Variants in CADM2 observed in about 807,000 individuals in gnomAD.
CADM2 encodes the protein cell adhesion molecule 2.
In CADM2, 12 loss-of-function variants were observed where a neutral mutation model predicts 49.8. That is an observed-to-expected ratio of 0.24 (90% confidence interval 0.15 to 0.39). The LOEUF is 0.39. Ranked by LOEUF, CADM2 falls within the 10% of genes least tolerant of loss-of-function variation. The pLI, the probability that CADM2 is intolerant of heterozygous loss-of-function variation, is 1.00. For synonymous variants in CADM2, 214 were observed against 175.4 expected, an observed-to-expected ratio of 1.22 and a Z score of -1.74; for missense variants, 378 against 492.3, an observed-to-expected ratio of 0.77 and a Z score of 2.20.
intron 1 of CADM2, among the ~76,000 whole-genome samples, chr3:85,072,086 T>G (rs1053586152): frequency 6.6e-6 from 1 of 151,578 alleles, no homozygotes; most frequent in East Asian, 1.9e-4. Flanking sequence ...TTAATCAAAC[T>G]GGGTAATCTT....
chr3:85,472,547 T>C lies in CADM2; in HGVS notation c.62-253975T>C, dbSNP rs140852356. Reference sequence around the variant, plus strand: ...ATGCTAGAAATACAATATACTTTCGTTGAAATTATAAATCTAAATGTGAAA... The same window carrying C: ...ATGCTAGAAATACAATATACTTTCGCTGAAATTATAAATCTAAATGTGAAA... On this transcript the variant is annotated intron_variant, in intron 1 of 9. Transcript: ENST00000383699. 3.4e-4 allele frequency among the ~76,000 whole-genome samples: 52 copies of C among 152,186 alleles called. No homozygotes were observed. The East Asian group carries it at 8.9e-3, about 26-fold the overall frequency.
intron 7 of CADM2, among the ~76,000 whole-genome samples, chr3:85,949,641 G>A (rs1490314553): frequency 6.6e-6 from 1 of 150,960 alleles, no homozygotes; most frequent in Non-Finnish European, 1.5e-5. Context: ...TTATCTTCAA[G>A]CTTTACTTAT....
intron 2 of CADM2, among the ~76,000 whole-genome samples, chr3:85,744,905 A>G (rs1289821386): frequency 2.0e-5 from 3 of 152,190 alleles, no homozygotes; most frequent in Non-Finnish European, 4.4e-5. Context: ...GAAGAATGGC[A>G]TGCTCTGCCT....
At chr3:85,370,961 A>G (rs1388708388) in intron 1 of CADM2, among the ~76,000 whole-genome samples, 2 of 151,878 alleles carry the variant, frequency 1.3e-5, no homozygotes, top group Non-Finnish European at 2.9e-5. Context: ...TGAAACAAAA[A>G]TTGTCGATAG....
chr3:85,416,600 A>G (rs910338625), intron 1 of CADM2, among the ~76,000 whole-genome samples: 11 of 152,172 alleles, frequency 7.2e-5, no homozygotes, highest in Non-Finnish European at 8.8e-5. Context: ...CAAAGAAGCA[A>G]TGAGAACAAA....
intron 1 of CADM2, among the ~76,000 whole-genome samples, chr3:85,223,929 A>T (rs1257644151): frequency 6.6e-6 from 1 of 152,114 alleles, no homozygotes; most frequent in Non-Finnish European, 1.5e-5. Context: ...AAAGGACATG[A>T]ACTCATCATT....
At chr3:85,831,184 G>A (rs1040704293) in intron 3 of CADM2, among the ~76,000 whole-genome samples, 23 of 151,880 alleles carry the variant, frequency 1.5e-4, no homozygotes, top group Admixed American at 9.9e-4. Context: ...TCTCTTTATG[G>A]TTGTTTATCA....
chr3:85,337,606 A>G (rs1359607575), intron 1 of CADM2, among the ~76,000 whole-genome samples: 1 of 151,394 alleles, frequency 6.6e-6, no homozygotes, highest in Non-Finnish European at 1.5e-5. Flanking sequence ...AAGTAAACTG[A>G]ATCAAGCTCT....
intron 1 of CADM2, among the ~76,000 whole-genome samples, chr3:85,089,486 C>G (rs1038395852): frequency 8.5e-5 from 13 of 152,106 alleles, no homozygotes; most frequent in African/African-American, 2.9e-4. Context: ...CCAAGTTTAG[C>G]AGTTTAGTCC....
intron 8 of CADM2, among the ~76,000 whole-genome samples, chr3:85,988,313 A>C (rs1052899748): frequency 2.0e-5 from 3 of 152,218 alleles, no homozygotes; most frequent in African/African-American, 7.2e-5. Context: ...CTATGGCCAG[A>C]AAATTAAAAG....
intron 1 of CADM2, among the ~76,000 whole-genome samples, chr3:85,435,421 T>C (rs961375408): frequency 5.3e-5 from 8 of 152,154 alleles, no homozygotes; most frequent in African/African-American, 1.7e-4. Context: ...CTATCATCGA[T>C]GGGCATTGGG....
rs984427678 is a variant in CADM2, at chr3:85,265,703, A to G, written c.61+306035A>G. Among the ~76,000 whole-genome samples, 4 of 152,062 alleles carry G rather than the reference A, an allele frequency of 2.6e-5. No homozygotes were observed. In the East Asian group the frequency reaches 7.7e-4, roughly 29 times the overall value. On this transcript the variant is annotated intron_variant, in intron 1 of 9. Transcript: ENST00000383699. ...GGGACACATTCAAACCGTAGCACTC[A>G]TGAATAATATTTATAGATTTTTTTC...
At chr3:85,152,069 G>A (rs2039939428) in intron 1 of CADM2, among the ~76,000 whole-genome samples, 2 of 152,052 alleles carry the variant, frequency 1.3e-5, no homozygotes, top group Admixed American at 1.3e-4. Context: ...CGAACTTCAA[G>A]TGATTTCTGT....
At chr3:85,788,344 T>G (rs1159156595) in intron 2 of CADM2, among the ~76,000 whole-genome samples, 4 of 152,136 alleles carry the variant, frequency 2.6e-5, no homozygotes, top group African/African-American at 9.6e-5. Flanking sequence ...GGATATCACT[T>G]TCTCTTACAC....
intron 1 of CADM2, among the ~76,000 whole-genome samples, chr3:85,666,218 A>T (rs1267023273): frequency 6.6e-6 from 1 of 152,052 alleles, no homozygotes; most frequent in Non-Finnish European, 1.5e-5. Context: ...AGAGCCATAA[A>T]CCACTGTTGA....
At chr3:85,843,576 C>T (rs569582784) in intron 3 of CADM2, among the ~76,000 whole-genome samples, 6 of 151,962 alleles carry the variant, frequency 3.9e-5, no homozygotes, top group South Asian at 2.1e-4. Context: ...TTGTAACCAT[C>T]CCATTATGTT....
At chr3:85,851,118 G>A (rs1229831747) in intron 3 of CADM2, among the ~76,000 whole-genome samples, 1 of 151,928 alleles carries the variant, frequency 6.6e-6, no homozygotes, top group African/African-American at 2.4e-5. Flanking sequence ...AAATCTTACA[G>A]GACACACTAA....
intron 1 of CADM2, among the ~76,000 whole-genome samples, chr3:85,394,035 TCCA>T (rs1388358204): frequency 6.6e-5 from 10 of 152,132 alleles, no homozygotes; most frequent in African/African-American, 2.4e-4. Flanking sequence ...GACCTCGTGA[TCCA>T]CCCGCCTCGG....
intron 8 of CADM2, among the ~76,000 whole-genome samples, chr3:85,990,054 TAATGGAGTTAGA>T (rs1334911624): frequency 3.5e-5 from 2 of 57,734 alleles, no homozygotes; most frequent in African/African-American, 1.2e-4. Context: ...AGAAGACTAA[TAATGGAGTTAGA>T]AATGGTGGTA....
Sources: allele counts gnomAD v4.1 joint callset (sites outside exome capture counted in the v4.1 genomes callset), GRCh38; gene constraint gnomAD v4.1.1; transcripts MANE v1.5; gene names NCBI Gene and HGNC (gene_info 2026-07-23, HGNC 2026-07-21).